Variants in KIRREL3 observed in about 807,000 individuals in gnomAD.
The protein encoded by KIRREL3 is kin of IRRE-like protein 3.
KIRREL3 carries 36 observed loss-of-function variants against 89.7 expected under a neutral mutation model. The observed-to-expected ratio is 0.40, with a 90% CI of 0.31 to 0.53. The LOEUF is 0.53. Ranked by LOEUF, KIRREL3 falls within the 20% of genes least tolerant of loss-of-function variation. The pLI is 0.49. For missense variants in KIRREL3, 864 were observed against 1,056.6 expected, an observed-to-expected ratio of 0.82 and a Z score of 2.53; for synonymous variants, 445 against 441.4, an observed-to-expected ratio of 1.01 and a Z score of -0.10.
intron 1 of KIRREL3, among the ~76,000 whole-genome samples, chr11:126,698,486 A>G (rs1246699408): frequency 6.6e-6 from 1 of 152,196 alleles, no homozygotes; most frequent in Non-Finnish European, 1.5e-5. Context: ...TCAGCTCTGG[A>G]GAGACGACAG....
At chr11:126,942,159 G>A (rs1246870540) in intron 1 of KIRREL3, among the ~76,000 whole-genome samples, 2 of 152,148 alleles carry the variant, frequency 1.3e-5, no homozygotes, top group Non-Finnish European at 2.9e-5. Flanking sequence ...CCCTGCACCT[G>A]TTGGAGCTTC....
Position 126,795,184 on chromosome 11 carries a change from C to T in KIRREL3, c.55+205271G>A, listed in dbSNP as rs567656349. On this transcript the variant is annotated intron_variant, in intron 1 of 16. Coordinates refer to ENST00000525144, the MANE Select transcript of KIRREL3 (RefSeq NM_032531.4). This position sits in a 1 kb window ranked among gnomAD's most constrained non-coding sequence, Gnocchi z 4.1. ...GGATACATGTCATCACACATTTGGC[C>T]AAGCCCATAGAGTGTACAGCATACA... 4.4e-4 allele frequency among the ~76,000 whole-genome samples: 67 copies of T among 152,146 alleles called. No individual in the cohort carries two copies. The highest frequency in any genetic ancestry group is 1.6e-3 in the African/African-American group (67 of 41,510).
chr11:126,787,194 G>A (rs902129387), intron 1 of KIRREL3, among the ~76,000 whole-genome samples: 4 of 152,110 alleles, frequency 2.6e-5, no homozygotes, highest in African/African-American at 9.7e-5. Flanking sequence ...TGAAATGATG[G>A]AGCCAATCAA....
At chr11:126,947,126 C>T (rs1016638495) in intron 1 of KIRREL3, among the ~76,000 whole-genome samples, 10 of 152,156 alleles carry the variant, frequency 6.6e-5, no homozygotes, top group Admixed American at 1.3e-4. Flanking sequence ...TCACAGTGTC[C>T]TTTTCCAACT....
chr11:126,577,684 C>A (rs1050380514), intron 1 of KIRREL3, among the ~76,000 whole-genome samples: 2 of 151,104 alleles, frequency 1.3e-5, no homozygotes, highest in African/African-American at 4.9e-5. Context: ...ATGGCTTGAA[C>A]CCGGGAAGCG....
rs1337993851 is a variant in KIRREL3 at position 126,991,330 on chromosome 11, C to T, written c.55+9125G>A. ...CTGCTGGCTTCTCCTCTCATTACCC[C>T]TCATTCCATTCCAATATTTCCACAC... On this transcript the variant is annotated intron_variant, in intron 1 of 16. Transcript: ENST00000525144. The surrounding 1 kb of genome is among the most constrained non-coding windows in gnomAD (Gnocchi z 5.8). 2.0e-5 allele frequency among the ~76,000 whole-genome samples: 3 copies of T among 152,180 alleles called. No homozygotes were observed. Among genetic ancestry groups the T allele is most frequent in the African/African-American group, 4.8e-5 (2 of 41,426 alleles).
Position 126,423,961 on chromosome 11 carries a change from G to A in KIRREL3, c.*619C>T, listed in dbSNP as rs1954827025. 6.3e-6 allele frequency: 1 copy of A among 157,500 alleles called. No homozygotes were observed. Among genetic ancestry groups the A allele is most frequent in the Non-Finnish European group, 1.4e-5 (1 of 71,098 alleles). 9.8% of individuals were successfully genotyped at this position (157,500 alleles called of 1,614,324 possible). On this transcript the variant is annotated 3_prime_UTR_variant, in exon 17 of 17. Transcript: ENST00000525144. ...CAAGTCCAAGGACAGAACTGCAAGA[G>A]TATGGACACAAAACACCAAACAAAT...
In KIRREL3 at chr11:126,909,546, C is replaced by A. The variant is rs745695588; in HGVS notation, c.55+90909G>T. Among the ~76,000 whole-genome samples the A allele has an allele frequency of 2.6e-5, 4 of 152,158 alleles. No homozygotes were observed. Among genetic ancestry groups the A allele is most frequent in the Non-Finnish European group, 5.9e-5 (4 of 68,044 alleles). ...GTTGAGATACACCGCCCACAATACA[C>A]CCCGTGGGTAATTAACAACCGAGAA... is the stretch of plus-strand genomic sequence containing the variant. On this transcript the variant is annotated intron_variant, in intron 1 of 16. Transcript: ENST00000525144. This position sits in a 1 kb window ranked among gnomAD's most constrained non-coding sequence, Gnocchi z 4.5.
intron 1 of KIRREL3, among the ~76,000 whole-genome samples, chr11:126,775,787 C>T (rs568172432): frequency 2.6e-5 from 4 of 152,270 alleles, no homozygotes; most frequent in East Asian, 1.9e-4. Context: ...ATTTTATAGA[C>T]GAGGGAATTG....
Position 126,682,209 on chromosome 11 carries a change from G to A in KIRREL3, c.56-119297C>T. On this transcript the variant is annotated intron_variant, in intron 1 of 16. Transcript: ENST00000525144. This position sits in a 1 kb window ranked among gnomAD's most constrained non-coding sequence, Gnocchi z 4.8. ...TCTGTGTACTAGGTCTGTGGGCTCTGCAAGACTCAAAATCAATTGCTGAAA... is the reference window on the plus strand; with the variant it reads ...TCTGTGTACTAGGTCTGTGGGCTCTACAAGACTCAAAATCAATTGCTGAAA... 1 of 222,492 alleles carries A rather than the reference G, an allele frequency of 4.5e-6. No individual in the cohort carries two copies. Among genetic ancestry groups the A allele is most frequent in the Non-Finnish European group, 9.2e-6 (1 of 109,068 alleles). The allele number at this position is 222,492 out of a possible 1,614,324, so 13.8% of individuals were successfully genotyped here. A position where few individuals can be genotyped will look rare whatever the true frequency, so the allele number is the denominator to read the frequency against.
In KIRREL3 at chr11:126,867,120, C is replaced by T. The variant is rs555729227; in HGVS notation, c.55+133335G>A. 1.9e-4 allele frequency among the ~76,000 whole-genome samples: 29 copies of T among 152,332 alleles called. 1 individual carries two copies. The East Asian group carries it at 5.4e-3, about 28-fold the overall frequency. On this transcript the variant is annotated intron_variant, in intron 1 of 16. Coordinates refer to ENST00000525144, the MANE Select transcript of KIRREL3 (RefSeq NM_032531.4). This position sits in a 1 kb window ranked among gnomAD's most constrained non-coding sequence, Gnocchi z 4.7. Reference sequence around the variant, plus strand: ...CAGGAGCTGTAAACACTCAACCCTACATGCTGCCTTGGGGTTGGAGCCCAA... The same window carrying T: ...CAGGAGCTGTAAACACTCAACCCTATATGCTGCCTTGGGGTTGGAGCCCAA...
intron 1 of KIRREL3, among the ~76,000 whole-genome samples, chr11:126,688,105 A>T (rs1946736060): frequency 6.6e-6 from 1 of 152,214 alleles, no homozygotes; most frequent in Non-Finnish European, 1.5e-5. Flanking sequence ...TTTGGGCTTG[A>T]AGATGGATGG....
Position 126,624,253 on chromosome 11 carries a change from G to T in KIRREL3, c.56-61341C>A, listed in dbSNP as rs1410453645. Reference sequence around the variant, plus strand: ...ATGAAAGATAGGAGGATCAGAGAATGGTGATAAGTTTGTACAGGTGGGATC... The same window carrying T: ...ATGAAAGATAGGAGGATCAGAGAATTGTGATAAGTTTGTACAGGTGGGATC... On this transcript the variant is annotated intron_variant, in intron 1 of 16. Coordinates refer to ENST00000525144, the MANE Select transcript of KIRREL3 (RefSeq NM_032531.4). This position sits in a 1 kb window ranked among gnomAD's most constrained non-coding sequence, Gnocchi z 6.0. 6.6e-6 allele frequency among the ~76,000 whole-genome samples: 1 copy of T among 152,126 alleles called. No individual in the cohort carries two copies. Among genetic ancestry groups the T allele is most frequent in the Non-Finnish European group, 1.5e-5 (1 of 68,020 alleles).
rs762492238 is a variant in KIRREL3, at chr11:126,606,368, C to G, written c.56-43456G>C. ...TCTTTCTGTGTTTCAGTTTCCAAGT[C>G]TGTAAAATACGGGGAAATAATACCT... On this transcript the variant is annotated intron_variant, in intron 1 of 16. Coordinates refer to ENST00000525144, the MANE Select transcript of KIRREL3 (RefSeq NM_032531.4). The surrounding 1 kb of genome is among the most constrained non-coding windows in gnomAD (Gnocchi z 4.6). 6.6e-6 allele frequency among the ~76,000 whole-genome samples: 1 copy of G among 152,162 alleles called. No individual in the cohort carries two copies. The highest frequency in any genetic ancestry group is 2.4e-5 in the African/African-American group (1 of 41,438).
intron 1 of KIRREL3, among the ~76,000 whole-genome samples, chr11:126,967,683 C>A (rs1949310970): frequency 6.6e-6 from 1 of 151,942 alleles, no homozygotes; most frequent in South Asian, 2.1e-4. Flanking sequence ...GAAAGTGAGC[C>A]CTGGGCTCTT....
chr11:126,829,800 T>G (rs1450011702), intron 1 of KIRREL3, among the ~76,000 whole-genome samples: 1 of 152,054 alleles, frequency 6.6e-6, no homozygotes, highest in Non-Finnish European at 1.5e-5. Flanking sequence ...CCTTTATCAT[T>G]AAAAGGCAAA....
rs1014182510 is a variant in KIRREL3 at position 126,624,542 on chromosome 11, G to A, written c.56-61630C>T. Reference sequence around the variant, plus strand: ...ACCCTGGTTTCCCCTTCCCATTCCCGGTGCCTTCCCAGTGTGCTTGGAACA... The same window carrying A: ...ACCCTGGTTTCCCCTTCCCATTCCCAGTGCCTTCCCAGTGTGCTTGGAACA... On this transcript the variant is annotated intron_variant, in intron 1 of 16. Transcript: ENST00000525144. This position sits in a 1 kb window ranked among gnomAD's most constrained non-coding sequence, Gnocchi z 6.0. 4.6e-5 allele frequency among the ~76,000 whole-genome samples: 7 copies of A among 152,202 alleles called. No individual in the cohort carries two copies. Among genetic ancestry groups the A allele is most frequent in the Middle Eastern group, 3.4e-3 (1 of 294 alleles).
chr11:126,504,338 T>C (rs1187960767), intron 4 of KIRREL3, among the ~76,000 whole-genome samples: 2 of 152,196 alleles, frequency 1.3e-5, no homozygotes, highest in African/African-American at 2.4e-5. Context: ...AGGGTGAGTC[T>C]TTTAAAATAT....
intron 1 of KIRREL3, among the ~76,000 whole-genome samples, chr11:126,644,190 G>C (rs1217391944): frequency 6.6e-5 from 10 of 152,210 alleles, no homozygotes; most frequent in Non-Finnish European, 1.3e-4. Flanking sequence ...CCAGTGTATA[G>C]TGGGCTATGA....
Sources: allele counts gnomAD v4.1 joint callset (sites outside exome capture counted in the v4.1 genomes callset), GRCh38; gene constraint gnomAD v4.1.1; non-coding constraint Gnocchi (gnomAD v3.1); transcripts MANE v1.5; gene names NCBI Gene and HGNC (gene_info 2026-07-23, HGNC 2026-07-21).